CFDP1: variants seen among roughly 807,000 people sequenced by gnomAD.
The protein encoded by CFDP1 is heterochromatin-stabilizing protein CFDP1.
CFDP1 carries 31 observed loss-of-function variants against 40.1 expected under a neutral mutation model. That is an observed-to-expected ratio of 0.77 (90% confidence interval 0.58 to 1.04). The LOEUF (loss-of-function observed/expected upper bound fraction) is 1.04. Ranked by LOEUF, CFDP1 falls within the 50% of genes least tolerant of loss-of-function variation. The probability of loss-of-function intolerance (pLI) is 0.00; values close to 1 mark genes in which losing one functional copy is unlikely to be tolerated. For synonymous variants in CFDP1, 167 were observed against 120.0 expected, an observed-to-expected ratio of 1.39 and a Z score of -2.56; for missense variants, 423 against 343.4, an observed-to-expected ratio of 1.23 and a Z score of -1.83.
At chr16:75,429,192 T>C (rs1406326471) in intron 1 of CFDP1, among the ~76,000 whole-genome samples, 2 of 152,268 alleles carry the variant, frequency 1.3e-5, no homozygotes, top group Admixed American at 6.5e-5. Context: ...TCTTATACAT[T>C]GAGCAGAAAT....
chr16:75,335,270 T>C lies in CFDP1; in HGVS notation c.651-30088A>G, dbSNP rs77594934. Among the ~76,000 whole-genome samples, 9 of 152,354 alleles carry C rather than the reference T, an allele frequency of 5.9e-5. No individual in the cohort carries two copies. The East Asian group carries it at 1.7e-3, about 29-fold the overall frequency. ...ATGACATAGTAACTTGTTAGATGTC[T>C]TGTCAGTGCCCCTTTGCCCTTAGGG... On this transcript the variant is annotated intron_variant, in intron 5 of 6. Transcript: ENST00000283882.
chr16:75,424,198 C>A (rs1181197822), intron 1 of CFDP1, among the ~76,000 whole-genome samples: 3 of 152,200 alleles, frequency 2.0e-5, no homozygotes, highest in Non-Finnish European at 2.9e-5. Flanking sequence ...TATATGCAGA[C>A]TGCCAAGGTT....
intron 6 of CFDP1, among the ~76,000 whole-genome samples, chr16:75,294,707 T>C (rs1378818866): frequency 6.6e-6 from 1 of 152,054 alleles, no homozygotes; most frequent in Non-Finnish European, 1.5e-5. Flanking sequence ...AGGTTGCTTC[T>C]GCTAAGATGA....
At chr16:75,378,495 G>T (rs964018251) in intron 5 of CFDP1, among the ~76,000 whole-genome samples, 8 of 151,992 alleles carry the variant, frequency 5.3e-5, no homozygotes, top group Non-Finnish European at 1.0e-4. Flanking sequence ...TTAAAAAATG[G>T]TGATCATTAA....
At chr16:75,322,018 G>C (rs965067014) in intron 5 of CFDP1, 6 of 152,182 alleles carry the variant, frequency 3.9e-5, no homozygotes, top group African/African-American at 1.4e-4. Context: ...TAGAGACGGG[G>C]TTTCACCGTG....
chr16:75,294,034 T>G lies in CFDP1; in HGVS notation c.818A>C (p.Glu273Ala). ...IHNRGKEGYI[E>A]RKAFLDRVDH... ...CACTCGGTCAAGGAAGGCTTTCCGT[T>G]CAATGTACCTAGAAGATGAAAACAG... The change falls in exon 7 of 7, where the codon GAA becomes GCA. Residue 273 changes from glutamate to alanine, a missense_variant. Glu to Ala is a moderately radical substitution (Grantham distance 107, BLOSUM62 -1). Coordinates refer to ENST00000283882, the MANE Select transcript of CFDP1 (RefSeq NM_006324.3). 1 of 1,612,852 alleles carries G rather than the reference T, an allele frequency of 6.2e-7. No homozygotes were observed. The highest frequency in any genetic ancestry group is 8.5e-7 in the Non-Finnish European group (1 of 1,178,834).
At chr16:75,425,692 T>G (rs1468611240) in intron 1 of CFDP1, among the ~76,000 whole-genome samples, 1 of 151,526 alleles carries the variant, frequency 6.6e-6, no homozygotes, top group East Asian at 1.9e-4. Flanking sequence ...AACTCATATC[T>G]TATGCAAAAA....
chr16:75,415,263 G>C (rs1042192314), intron 1 of CFDP1, among the ~76,000 whole-genome samples: 5 of 152,166 alleles, frequency 3.3e-5, no homozygotes, highest in Admixed American at 2.0e-4. Context: ...CAACAAAAGA[G>C]TGTTGCTTGG....
At chr16:75,394,064 A>AAAAAAAAAGTT (rs1567669719) in intron 5 of CFDP1, among the ~76,000 whole-genome samples, 1 of 152,156 alleles carries the variant, frequency 6.6e-6, no homozygotes, top group Non-Finnish European at 1.5e-5. Context: ...CAAAAAAAAA[A>AAAAAAAAAGTT]TGTGAAACAA....
intron 5 of CFDP1, among the ~76,000 whole-genome samples, chr16:75,349,031 T>A (rs1220577465): frequency 6.6e-6 from 1 of 151,704 alleles, no homozygotes; most frequent in Non-Finnish European, 1.5e-5. Flanking sequence ...CACACCTGGA[T>A]AACTTTTTTT....
chr16:75,375,641 A>T (rs1018806345), intron 5 of CFDP1, among the ~76,000 whole-genome samples: 1 of 151,980 alleles, frequency 6.6e-6, no homozygotes, highest in Non-Finnish European at 1.5e-5. Flanking sequence ...AAAATACAAA[A>T]ATTAGCCAGG....
intron 1 of CFDP1, among the ~76,000 whole-genome samples, chr16:75,423,385 G>A (rs536252755): frequency 2.6e-5 from 4 of 152,130 alleles, no homozygotes; most frequent in Non-Finnish European, 4.4e-5. Context: ...GGAGTTTTAG[G>A]CTGCAGTGAG....
In CFDP1 at chr16:75,347,094, C is replaced by A. The variant is rs376485043; in HGVS notation, c.651-41912G>T. Among the ~76,000 whole-genome samples the A allele has an allele frequency of 1.6e-4, 25 of 151,908 alleles. 1 individual carries two copies. The highest frequency in any genetic ancestry group is 1.0e-3 in the Admixed American group (16 of 15,258). On this transcript the variant is annotated intron_variant, in intron 5 of 6. Coordinates refer to ENST00000283882, the MANE Select transcript of CFDP1 (RefSeq NM_006324.3). The stretch of plus-strand genomic sequence containing the variant: ...GCACGGGGGGCTCACACCTGTAATC[C>A]CAGCACTTTGGGAGGCTGAGGTGGG...
intron 5 of CFDP1, among the ~76,000 whole-genome samples, chr16:75,357,933 A>T (rs2078655543): frequency 6.6e-6 from 1 of 152,166 alleles, no homozygotes; most frequent in Admixed American, 6.5e-5. Context: ...CTAGCTTTTG[A>T]TTTAAAGTGA....
rs202063453 is a variant in CFDP1, at chr16:75,424,056, C to CA, written c.64+9232dup. On this transcript the variant is annotated intron_variant, in intron 1 of 6. Coordinates refer to ENST00000283882, the MANE Select transcript of CFDP1 (RefSeq NM_006324.3). ...CACTGTAATCCACCATATTAACAGA[C>CA]AAAAAAAAAGAAAAACCACATGTAA... Among the ~76,000 whole-genome samples the CA allele has an allele frequency of 4.5e-3, 667 of 147,938 alleles. 7 individuals carry two copies. The highest frequency in any genetic ancestry group is 0.015 in the African/African-American group (605 of 40,270).
intron 6 of CFDP1, among the ~76,000 whole-genome samples, chr16:75,295,443 G>A (rs184787192): frequency 6.6e-6 from 1 of 152,308 alleles, no homozygotes; most frequent in Admixed American, 6.5e-5. Flanking sequence ...ACTGTTGTGT[G>A]GATTAAATAA....
chr16:75,353,479 G>T (rs185091997), intron 5 of CFDP1, among the ~76,000 whole-genome samples: 1 of 152,082 alleles, frequency 6.6e-6, no homozygotes, highest in Non-Finnish European at 1.5e-5. Flanking sequence ...AGTCATTAAT[G>T]AGGCTGGGGG....
intron 4 of CFDP1, among the ~76,000 whole-genome samples, chr16:75,401,372 G>C (rs1186068771): frequency 6.9e-6 from 1 of 145,550 alleles, no homozygotes; most frequent in Non-Finnish European, 1.5e-5. Flanking sequence ...AGCTTGCAGT[G>C]AGCCAAGATT....
At chr16:75,413,629 G>A (rs758106648) in intron 2 of CFDP1, among the ~76,000 whole-genome samples, 4 of 149,810 alleles carry the variant, frequency 2.7e-5, no homozygotes, top group Non-Finnish European at 5.9e-5. Context: ...TTGCTTCTTA[G>A]ACTATTTTGA....
Sources: allele counts gnomAD v4.1 joint callset (sites outside exome capture counted in the v4.1 genomes callset), GRCh38; gene constraint gnomAD v4.1.1; transcripts MANE v1.5; gene names NCBI Gene and HGNC (gene_info 2026-07-23, HGNC 2026-07-21).